The following MAP4K2 variants were observed in gnomAD, a reference collection of about 807,000 sequenced individuals.
The protein encoded by MAP4K2 is B lymphocyte serine/threonine protein kinase.
MAP4K2 carries 85 observed loss-of-function variants against 125.3 expected under a neutral mutation model. The ratio of observed to expected loss-of-function variants is 0.68; its 90% CI spans 0.57 to 0.81. MAP4K2 has a LOEUF of 0.81. MAP4K2 is among the 40% of genes least tolerant of loss of function. The pLI, the probability that MAP4K2 is intolerant of heterozygous loss-of-function variation, is 0.00. For missense variants in MAP4K2, 923 were observed against 1,056.4 expected, an observed-to-expected ratio of 0.87 and a Z score of 1.75; for synonymous variants, 479 against 445.1, an observed-to-expected ratio of 1.08 and a Z score of -0.96.
rs1167911540 is a variant in MAP4K2, at chr11:64,789,963, T to C, written c.2249-4A>G. On this transcript the variant is annotated splice_region_variant and splice_polypyrimidine_tract_variant and intron_variant, in intron 29 of 31. Coordinates refer to ENST00000294066, the MANE Select transcript of MAP4K2 (RefSeq NM_004579.5). ...AGCACACTGTCCTGCAGGCACACTA[T>C]GGGGGCCAGGCCACCATCAGCCCTG... 1.9e-6 allele frequency: 3 copies of C among 1,612,974 alleles called. No homozygotes were observed. Among genetic ancestry groups the C allele is most frequent in the Non-Finnish European group, 2.5e-6 (3 of 1,179,860 alleles).
At position 64,796,700 on chromosome 11, in the gene MAP4K2, C is replaced by T. The variant is rs367548932; in HGVS notation, c.1506G>A (p.Val502=). The T allele has an allele frequency of 1.9e-5, 30 of 1,613,630 alleles. No homozygotes were observed. The African/African-American group carries it at 1.9e-4, about 10-fold the overall frequency. The change falls in exon 22 of 32, where the codon GTG becomes GTA. Residue 502 remains valine, a synonymous_variant. Transcript: ENST00000294066. Reference sequence around the variant, plus strand: ...TGTAGATGCCTTCCTCGGCCCCTACCACCAGGAACTGGTCTGCCAGTTTGG... The same window carrying T: ...TGTAGATGCCTTCCTCGGCCCCTACTACCAGGAACTGGTCTGCCAGTTTGG... ...IHPVTRDQFL[V]VGAEEGIYTL...
Position 64,789,644 on chromosome 11 carries a change from G to C in MAP4K2, c.2376-20C>G. On this transcript the variant is annotated intron_variant, in intron 31 of 31. Coordinates refer to ENST00000294066, the MANE Select transcript of MAP4K2 (RefSeq NM_004579.5). Reference sequence around the variant, plus strand: ...ATGTCTCTGGAGGAGAGAGGAGTAGGGGGCAGGGCGGGAGACACTTGGTAC... The same window carrying C: ...ATGTCTCTGGAGGAGAGAGGAGTAGCGGGCAGGGCGGGAGACACTTGGTAC... The C allele has an allele frequency of 6.2e-7, 1 of 1,611,758 alleles. No individual in the cohort carries two copies.
At chr11:64,797,240 G>A (rs774454966) in intron 18 of MAP4K2, 35 bp downstream of exon 18, 3 of 1,603,296 alleles carry the variant, frequency 1.9e-6, no homozygotes, top group Non-Finnish European at 1.7e-6. Context: ...CCCCACCCTG[G>A]GGCTGCCTCC....
intron 7 of MAP4K2, among the ~76,000 whole-genome samples, 153 bp from the exon 8 acceptor site, chr11:64,801,336 C>T (rs1454283924): frequency 1.3e-5 from 2 of 152,182 alleles, no homozygotes; most frequent in Non-Finnish European, 2.9e-5. Flanking sequence ...AGGCCAGGTC[C>T]CTCTCCTGAG....
At position 64,800,997 on chromosome 11, in the gene MAP4K2, C is replaced by G; in HGVS notation, c.565G>C (p.Gly189Arg). ...ACGTCACATAGCTCATTGTAGCCAC[C>G]TTTGCGCTCCACAGCAGCCACCTCG... ...APEVAAVERK[G>R]GYNELCDVWA... Residue 189 changes from glycine to arginine, a missense_variant, in exon 9 of 32, where the codon GGT becomes CGT. Physicochemically the swap from Gly to Arg is moderately radical, Grantham distance 125 (BLOSUM62 -2). Around this residue, in one of 2 missense-constraint regions of MAP4K2, gnomAD observed 833 missense variants for 911.4 expected, o/e 0.91. Coordinates refer to ENST00000294066, the MANE Select transcript of MAP4K2 (RefSeq NM_004579.5). 1 of 1,613,972 alleles carries G rather than the reference C, an allele frequency of 6.2e-7. No homozygotes were observed. The highest frequency in any genetic ancestry group is 8.5e-7 in the Non-Finnish European group (1 of 1,179,988).
rs1565606632 is a variant in MAP4K2, at chr11:64,789,524, A to G, written c.*13T>C. Reference sequence around the variant, plus strand: ...GGGGTGGGGCGGGGAGCCCCTGGACAGGCCCGCTGCTCTTAGTAGGTGCTC... The same window carrying G: ...GGGGTGGGGCGGGGAGCCCCTGGACGGGCCCGCTGCTCTTAGTAGGTGCTC... On this transcript the variant is annotated 3_prime_UTR_variant, in exon 32 of 32. Coordinates refer to ENST00000294066, the MANE Select transcript of MAP4K2 (RefSeq NM_004579.5). 2 of 1,565,722 alleles carry G rather than the reference A, an allele frequency of 1.3e-6. No homozygotes were observed. The highest frequency in any genetic ancestry group is 2.3e-5 in the South Asian group (2 of 85,242).
intron 5 of MAP4K2, 75 bp downstream of exon 5, chr11:64,801,990 TC>T: frequency 1.4e-6 from 2 of 1,473,754 alleles, no homozygotes; most frequent in Non-Finnish European, 9.2e-7. Context: ...TCCACCCGCC[TC>T]CCTGCTGGTC....
chr11:64,802,823 C>A, intron 2 of MAP4K2, 62 bp downstream of exon 2: 2 of 1,546,358 alleles, frequency 1.3e-6, no homozygotes, highest in South Asian at 1.2e-5. Context: ...CCTCCGCCCG[C>A]ACCCCGCGCC....
In MAP4K2 at chr11:64,796,815, T is replaced by C; in HGVS notation, c.1486A>G (p.Thr496Ala). 1 of 1,613,546 alleles carries C rather than the reference T, an allele frequency of 6.2e-7. No homozygotes were observed. Among genetic ancestry groups the C allele is most frequent in the Non-Finnish European group, 8.5e-7 (1 of 1,179,996 alleles). The change falls in exon 21 of 32, where the codon ACT becomes GCT. Residue 496 changes from threonine (T) to alanine (A), a missense_variant. Physicochemically the swap from Thr to Ala is moderately conservative, Grantham distance 58. Around this residue, in one of 2 missense-constraint regions of MAP4K2, gnomAD observed 833 missense variants for 911.4 expected, o/e 0.91. Coordinates refer to ENST00000294066, the MANE Select transcript of MAP4K2 (RefSeq NM_004579.5). ...CCTCCCTGCCCCCACCTACCCCGAG[T>C]AACAGGGTGAATCCAGGTGACAGCA... is the stretch of plus-strand genomic sequence containing the variant. ...HAAVTWIHPV[T>A]RDQFLVVGAE...
At chr11:64,794,828 C>T (rs1262674068) in intron 24 of MAP4K2, among the ~76,000 whole-genome samples, 3 of 152,142 alleles carry the variant, frequency 2.0e-5, no homozygotes, top group Non-Finnish European at 4.4e-5. Context: ...GAGGCCTCTC[C>T]ACACCTCCCA....
Position 64,799,302 on chromosome 11 carries a change from G to A in MAP4K2, c.1053+119C>T, listed in dbSNP as rs895895412. ...GGACAGGCTTGCTTGGACAGTCTAAGGCCCAAGGCCCGAGGCCACCCAGCT... is the reference window on the plus strand; with the variant it reads ...GGACAGGCTTGCTTGGACAGTCTAAAGCCCAAGGCCCGAGGCCACCCAGCT... On this transcript the variant is annotated intron_variant, in intron 14 of 31. Transcript: ENST00000294066. The A allele has an allele frequency of 2.6e-5, 33 of 1,262,776 alleles. 1 individual carries two copies. In the Admixed American group the frequency reaches 3.8e-4, roughly 15 times the overall value. 78.2% of individuals were successfully genotyped at this position (1,262,776 alleles called of 1,614,324 possible).
chr11:64,796,206 C>G, intron 24 of MAP4K2, 67 bp downstream of exon 24: 1 of 1,381,746 alleles, frequency 7.2e-7, no homozygotes, highest in East Asian at 2.3e-5. Flanking sequence ...CAGGAACTGG[C>G]AAGGCCATGT....
rs780408137 is a variant in MAP4K2, at chr11:64,789,707, G to A, written c.2375+23C>T. On this transcript the variant is annotated intron_variant, in intron 31 of 31. Coordinates refer to ENST00000294066, the MANE Select transcript of MAP4K2 (RefSeq NM_004579.5). ...TCTGGCCTCAGGGGCATCTGAAGGGGAGGCTAGGGTACCACCGCCTACCTG... is the reference window on the plus strand; with the variant it reads ...TCTGGCCTCAGGGGCATCTGAAGGGAAGGCTAGGGTACCACCGCCTACCTG... The A allele has an allele frequency of 8.1e-6, 13 of 1,614,058 alleles. No individual in the cohort carries two copies. In the South Asian group the frequency reaches 1.3e-4, roughly 16 times the overall value.
chr11:64,797,758 T>C (rs1319806599), intron 15 of MAP4K2, 94 bp from the exon 16 acceptor site: 13 of 1,230,110 alleles, frequency 1.1e-5, no homozygotes, highest in Non-Finnish European at 1.4e-5. Context: ...CAGGCCGGAG[T>C]GCAGTGGCGC....
At chr11:64,795,178 G>C (rs1940720147) in intron 24 of MAP4K2, among the ~76,000 whole-genome samples, 1 of 151,504 alleles carries the variant, frequency 6.6e-6, no homozygotes, top group Non-Finnish European at 1.5e-5. Flanking sequence ...CTGCCTCTAG[G>C]GTTCAAGTGA....
rs1565611238 is a variant in MAP4K2 at position 64,792,319 on chromosome 11, G to GT, written c.1810+44_1811-44insA. The GT allele has an allele frequency of 1.9e-6, 3 of 1,578,374 alleles. No homozygotes were observed. In the African/African-American group the frequency reaches 4.1e-5, roughly 22 times the overall value. ...GTGGGCACCGGGCTGGGCCTGCGCT[G>GT]CCCCCCACCAGGCCCCGCCCCACCC... On this transcript the variant is annotated intron_variant, in intron 25 of 31. Transcript: ENST00000294066.
chr11:64,796,943 C>T (rs1414431588), intron 20 of MAP4K2, 39 bp downstream of exon 20: 1 of 1,613,796 alleles, frequency 6.2e-7, no homozygotes, highest in South Asian at 1.1e-5. Flanking sequence ...TGGTGGGTGG[C>T]AGGGCTGTGG....
chr11:64,800,973 C>A lies in MAP4K2; in HGVS notation c.589G>T (p.Val197Phe). Residue 197 changes from valine to phenylalanine, a missense_variant, in exon 9 of 32, where the codon GTC becomes TTC. Physicochemically the swap from Val to Phe is conservative, Grantham distance 50. Coordinates refer to ENST00000294066, the MANE Select transcript of MAP4K2 (RefSeq NM_004579.5). ...ATGGCAGTGATGCCCAGGGCCCAGA[C>A]GTCACATAGCTCATTGTAGCCACCT... ...RKGGYNELCD[V>F]WALGITAIEL... 6.2e-7 allele frequency: 1 copy of A among 1,614,022 alleles called. No individual in the cohort carries two copies. The highest frequency in any genetic ancestry group is 8.5e-7 in the Non-Finnish European group (1 of 1,180,012).
At chr11:64,792,336 G>GCCCCCCCCCC in intron 25 of MAP4K2, 28 bp downstream of exon 25, 5 of 614,806 alleles carry the variant, frequency 8.1e-6, no homozygotes, top group South Asian at 2.0e-5. Context: ...ACCAGGCCCC[G>GCCCCCCCCCC]CCCCACCCCG....
Sources: allele counts gnomAD v4.1 joint callset (sites outside exome capture counted in the v4.1 genomes callset), GRCh38; gene constraint gnomAD v4.1.1; regional missense constraint gnomAD v4.1.1; transcripts MANE v1.5; gene names NCBI Gene and HGNC (gene_info 2026-07-23, HGNC 2026-07-21).